Variants in COL21A1 observed in about 807,000 individuals in gnomAD.
COL21A1 encodes collagen type XXI alpha 1 chain.
COL21A1 carries 149 observed loss-of-function variants against 137.9 expected under a neutral mutation model. The ratio of observed to expected loss-of-function variants is 1.08; its 90% CI spans 0.95 to 1.24. COL21A1 has a LOEUF of 1.24. Among genes scored for constraint, COL21A1 ranks in the 50% most tolerant of loss-of-function variants. The probability of loss-of-function intolerance (pLI) is 0.00; values close to 1 mark genes in which losing one functional copy is unlikely to be tolerated. For synonymous variants in COL21A1, 456 were observed against 391.5 expected (o/e 1.16, Z -1.95); for missense variants, 1,167 against 1,158.4 (o/e 1.01, Z -0.11).
At chr6:56,212,712 G>A (rs1016840641) in intron 1 of COL21A1, among the ~76,000 whole-genome samples, 3 of 151,898 alleles carry the variant, frequency 2.0e-5, no homozygotes, top group African/African-American at 7.2e-5. Context: ...TTGATACAGA[G>A]CATCATTTTC....
chr6:56,183,785 T>C (rs1260178806), intron 1 of COL21A1, among the ~76,000 whole-genome samples: 1 of 152,060 alleles, frequency 6.6e-6, no homozygotes, highest in African/African-American at 2.4e-5. Context: ...GATAAATACA[T>C]TAAAGGATCT....
chr6:56,225,671 C>T (rs543715455), intron 1 of COL21A1, among the ~76,000 whole-genome samples: 1 of 152,010 alleles, frequency 6.6e-6, no homozygotes, highest in South Asian at 2.1e-4. Flanking sequence ...AAAAGGATTC[C>T]AAATTTTAAA....
chr6:56,168,437 C>A, intron 5 of COL21A1, 140 bp from the exon 6 acceptor site: 1 of 565,306 alleles, frequency 1.8e-6, no homozygotes, highest in Non-Finnish European at 2.7e-6. Flanking sequence ...TTAATTCACC[C>A]TGATCCAAGG....
At chr6:56,298,204 G>A (rs1226418550) in intron 1 of COL21A1, among the ~76,000 whole-genome samples, 2 of 152,092 alleles carry the variant, frequency 1.3e-5, no homozygotes, top group Admixed American at 6.6e-5. Flanking sequence ...CGGAAGATGT[G>A]GCCACAGTTC....
At chr6:56,084,249 G>T (rs1167250460) in intron 17 of COL21A1, among the ~76,000 whole-genome samples, 2 of 150,986 alleles carry the variant, frequency 1.3e-5, no homozygotes, top group Non-Finnish European at 3.0e-5. Context: ...TAATAAGAGA[G>T]ATTAGATTGC....
chr6:56,114,284 T>A (rs1248011536), intron 16 of COL21A1, among the ~76,000 whole-genome samples: 1 of 152,174 alleles, frequency 6.6e-6, no homozygotes, highest in African/African-American at 2.4e-5. Flanking sequence ...TGGCTTCAGA[T>A]CTGACCCAGA....
chr6:56,194,016 C>T (rs527892662), intron 1 of COL21A1, among the ~76,000 whole-genome samples: 20 of 152,264 alleles, frequency 1.3e-4, no homozygotes, highest in African/African-American at 4.8e-4. Context: ...GGATTACAGG[C>T]GTGAGCCACC....
intron 1 of COL21A1, among the ~76,000 whole-genome samples, chr6:56,239,076 C>T (rs1782095473): frequency 6.6e-6 from 1 of 152,158 alleles, no homozygotes; most frequent in African/African-American, 2.4e-5. Context: ...CCATACAACA[C>T]TCATAATCTT....
intron 3 of COL21A1, among the ~76,000 whole-genome samples, chr6:56,178,713 T>C (rs1489230612): frequency 6.6e-6 from 1 of 152,074 alleles, no homozygotes; most frequent in Non-Finnish European, 1.5e-5. Context: ...CCTAATAGGA[T>C]TAATATTTAC....
Position 56,098,630 on chromosome 6 carries a change from T to A in COL21A1, c.1812+2842A>T, listed in dbSNP as rs1351573154. 2.4e-3 allele frequency among the ~76,000 whole-genome samples: 89 copies of A among 37,670 alleles called. 2 individuals carry two copies. The highest frequency in any genetic ancestry group is 5.9e-3 in the South Asian group (7 of 1,178). 24.7% of individuals were successfully genotyped at this position (37,670 alleles called of 152,430 possible). A position where few individuals can be genotyped will look rare whatever the true frequency, so the allele number is the denominator to read the frequency against. Reference sequence around the variant, plus strand: ...AAATATATATAAATATATATAAATATATATATAAATATATATAAATATATA... The same window carrying A: ...AAATATATATAAATATATATAAATAAATATATAAATATATATAAATATATA... On this transcript the variant is annotated intron_variant, in intron 17 of 29. Coordinates refer to ENST00000244728, the MANE Select transcript of COL21A1 (RefSeq NM_030820.4).
intron 1 of COL21A1, among the ~76,000 whole-genome samples, chr6:56,379,256 G>A (rs1461312650): frequency 6.6e-6 from 1 of 152,152 alleles, no homozygotes. Context: ...AATCAATCCT[G>A]GAGAAACAGA....
chr6:56,129,401 T>C (rs762084396), intron 12 of COL21A1, among the ~76,000 whole-genome samples: 3 of 152,138 alleles, frequency 2.0e-5, no homozygotes, highest in Non-Finnish European at 4.4e-5. Flanking sequence ...TCAGAGAGAC[T>C]AGAGCAACAA....
chr6:56,148,396 A>G (rs1157277807), intron 10 of COL21A1, among the ~76,000 whole-genome samples: 1 of 138,408 alleles, frequency 7.2e-6, no homozygotes, highest in Non-Finnish European at 1.6e-5. Flanking sequence ...AAATAAATCT[A>G]TTTGCCAAGG....
chr6:56,071,321 T>C (rs1766732647), intron 20 of COL21A1, among the ~76,000 whole-genome samples: 1 of 151,628 alleles, frequency 6.6e-6, no homozygotes, highest in African/African-American at 2.4e-5. Flanking sequence ...AGATGGAAAC[T>C]TGGAGTACAA....
chr6:56,296,488 G>T (rs561896315), intron 1 of COL21A1, among the ~76,000 whole-genome samples: 1 of 151,874 alleles, frequency 6.6e-6, no homozygotes, highest in Admixed American at 6.6e-5. Context: ...ATAATGATAC[G>T]TTTAAAGTAT....
At chr6:56,216,487 T>C (rs967817263) in intron 1 of COL21A1, among the ~76,000 whole-genome samples, 1 of 152,186 alleles carries the variant, frequency 6.6e-6, no homozygotes, top group Admixed American at 6.6e-5. Flanking sequence ...CAATTCATAC[T>C]AGGATAACTT....
chr6:56,260,582 AAG>A (rs1554171213), intron 1 of COL21A1, among the ~76,000 whole-genome samples: 1 of 25,140 alleles, frequency 4.0e-5, no homozygotes, highest in Admixed American at 1.3e-3. Context: ...AAAAAAAAAA[AAG>A]AAAGAAGAAG....
At chr6:56,268,059 C>T (rs9382599) in intron 1 of COL21A1, among the ~76,000 whole-genome samples, 10 of 151,998 alleles carry the variant, frequency 6.6e-5, no homozygotes, top group South Asian at 2.1e-4. Flanking sequence ...AACCAGAGGC[C>T]GTTCCCAGTA....
chr6:56,320,530 CACACACA>C, intron 1 of COL21A1, among the ~76,000 whole-genome samples: 1 of 151,714 alleles, frequency 6.6e-6, no homozygotes, highest in African/African-American at 2.4e-5. Context: ...CACACACACA[CACACACA>C]CACACACACA....
Sources: gnomAD v4.1 joint callset for allele counts (sites outside exome capture counted in the v4.1 genomes callset) on GRCh38, gnomAD v4.1.1 for gene constraint, MANE v1.5 for transcripts, NCBI Gene and HGNC (gene_info 2026-07-23, HGNC 2026-07-21) for gene names.